PTPRG: variants seen among roughly 807,000 people sequenced by gnomAD.
The protein encoded by PTPRG is protein tyrosine phosphatase receptor type G, also known as receptor-type tyrosine-protein phosphatase gamma.
A neutral mutation model predicts 165.3 loss-of-function variants in PTPRG; 102 were observed. The ratio of observed to expected loss-of-function variants is 0.62; its 90% confidence interval spans 0.53 to 0.73. PTPRG has a LOEUF of 0.73. Among genes scored for constraint, PTPRG ranks in the 30% least tolerant of loss-of-function variants. The probability of loss-of-function intolerance (pLI) is 0.00; values close to 1 mark genes in which losing one functional copy is unlikely to be tolerated. For missense variants in PTPRG, 1,866 were observed against 1,861.4 expected (o/e 1.00, Z -0.05); for synonymous variants, 675 against 669.5 (o/e 1.01, Z -0.13).
chr3:61,628,109 C>G (rs141532214), intron 1 of PTPRG, among the ~76,000 whole-genome samples: 3 of 152,184 alleles, frequency 2.0e-5, no homozygotes, highest in African/African-American at 7.2e-5. Context: ...CATATTGCAT[C>G]GTCTTTCATG....
chr3:61,789,761 A>C (rs1232235327), intron 2 of PTPRG, among the ~76,000 whole-genome samples: 2 of 152,236 alleles, frequency 1.3e-5, no homozygotes, highest in Admixed American at 1.3e-4. Context: ...AAGTTTATTC[A>C]CAGGTAATGA....
chr3:62,119,473 C>T (rs552436211), intron 5 of PTPRG, among the ~76,000 whole-genome samples: 7 of 152,186 alleles, frequency 4.6e-5, no homozygotes, highest in African/African-American at 1.2e-4. Flanking sequence ...TGAAATGCTC[C>T]GAGTATTTGA....
intron 4 of PTPRG, among the ~76,000 whole-genome samples, chr3:62,010,129 C>T (rs1273221384): frequency 2.0e-5 from 3 of 152,022 alleles, no homozygotes; most frequent in Non-Finnish European, 4.4e-5. Flanking sequence ...ATGTTGCCCA[C>T]GCTGGTCTTG....
chr3:62,267,336 G>A (rs1701911363), intron 17 of PTPRG, 74 bp from the exon 18 acceptor site: 1 of 1,136,688 alleles, frequency 8.8e-7, no homozygotes, highest in South Asian at 1.4e-5. Context: ...TGATTGCCTT[G>A]TGTTGTGCTT....
chr3:62,265,094 G>A (rs1701822640), intron 17 of PTPRG, among the ~76,000 whole-genome samples: 1 of 152,092 alleles, frequency 6.6e-6, no homozygotes, highest in Non-Finnish European at 1.5e-5. Flanking sequence ...AACTTGTTTG[G>A]AGAAATGTCT....
Position 62,038,421 on chromosome 3 carries a change from A to G in PTPRG, c.519+34924A>G, listed in dbSNP as rs893962666. On this transcript the variant is annotated intron_variant, in intron 4 of 29. Transcript: ENST00000474889. Reference sequence around the variant, plus strand: ...TTTTTATTTTTATTTTTTTGGAGACAGGGTCTTGCTCTGTCACCCAGGTTG... The same window carrying G: ...TTTTTATTTTTATTTTTTTGGAGACGGGGTCTTGCTCTGTCACCCAGGTTG... 3.3e-5 allele frequency among the ~76,000 whole-genome samples: 5 copies of G among 152,108 alleles called. 1 individual carries two copies. Among genetic ancestry groups the G allele is most frequent in the African/African-American group, 4.8e-5 (2 of 41,410 alleles).
Position 62,132,617 on chromosome 3 carries a change from A to T in PTPRG, c.631A>T (p.Asn211Tyr), listed in dbSNP as rs1432319436. The change falls in exon 6 of 30, where the codon AAT becomes TAT. Residue 211 changes from asparagine to tyrosine, a missense_variant. Around this residue, in one of 3 missense-constraint regions of PTPRG, gnomAD observed 408 missense variants for 376.2 expected, o/e 1.08. Coordinates refer to ENST00000474889, the MANE Select transcript of PTPRG (RefSeq NM_002841.4). ...AIFFQVSPRD[N>Y]SALDPIIHGL... ...TTACATTTAGGTCAGTCCGAGGGACAATTCTGCACTGGATCCTATTATCCA... is the reference window on the plus strand; with the variant it reads ...TTACATTTAGGTCAGTCCGAGGGACTATTCTGCACTGGATCCTATTATCCA... 6.2e-7 allele frequency: 1 copy of T among 1,611,430 alleles called. No homozygotes were observed. The highest frequency in any genetic ancestry group is 8.5e-7 in the Non-Finnish European group (1 of 1,177,642).
intron 3 of PTPRG, among the ~76,000 whole-genome samples, chr3:62,001,897 T>A (rs2041179076): frequency 6.6e-6 from 1 of 152,188 alleles, no homozygotes; most frequent in African/African-American, 2.4e-5. Flanking sequence ...CTGCAAAGCC[T>A]AAAATATTTA....
intron 1 of PTPRG, among the ~76,000 whole-genome samples, chr3:61,698,103 C>T (rs952828692): frequency 6.6e-6 from 1 of 152,158 alleles, no homozygotes; most frequent in African/African-American, 2.4e-5. Context: ...CCAAATGAAG[C>T]TTCCCGTGTC....
At chr3:61,676,233 A>G (rs1019413993) in intron 1 of PTPRG, among the ~76,000 whole-genome samples, 5 of 151,640 alleles carry the variant, frequency 3.3e-5, no homozygotes, top group Non-Finnish European at 7.4e-5. Context: ...TGAGGTGGGC[A>G]GATCACGAGG....
At chr3:61,730,359 A>AT (rs1226832566) in intron 1 of PTPRG, among the ~76,000 whole-genome samples, 1 of 152,210 alleles carries the variant, frequency 6.6e-6, no homozygotes, top group Non-Finnish European at 1.5e-5. Flanking sequence ...TGCAAAACAC[A>AT]TTTTTATCTC....
chr3:62,013,295 C>T (rs2041468844), intron 4 of PTPRG, among the ~76,000 whole-genome samples: 1 of 152,082 alleles, frequency 6.6e-6, no homozygotes, highest in Non-Finnish European at 1.5e-5. Flanking sequence ...CTAAAACTTG[C>T]AAAACTTTTT....
chr3:61,606,967 G>C (rs188911191), intron 1 of PTPRG, among the ~76,000 whole-genome samples: 1 of 152,184 alleles, frequency 6.6e-6, no homozygotes, highest in Non-Finnish European at 1.5e-5. Flanking sequence ...ACCAATAACT[G>C]AACAGGCTCA....
intron 1 of PTPRG, among the ~76,000 whole-genome samples, chr3:61,637,771 G>A (rs1344137549): frequency 6.6e-6 from 1 of 152,170 alleles, no homozygotes; most frequent in Admixed American, 6.5e-5. Flanking sequence ...ACCAGAAACA[G>A]AGATATCAGT....
At chr3:62,017,594 T>A (rs2041579379) in intron 4 of PTPRG, among the ~76,000 whole-genome samples, 1 of 148,636 alleles carries the variant, frequency 6.7e-6, no homozygotes, top group South Asian at 2.1e-4. Context: ...TTTTTGTATT[T>A]TTTTTTTTTT....
intron 4 of PTPRG, among the ~76,000 whole-genome samples, chr3:62,028,456 G>A (rs1202396079): frequency 1.3e-5 from 2 of 152,222 alleles, no homozygotes; most frequent in Non-Finnish European, 2.9e-5. Flanking sequence ...CATTCAGTCA[G>A]AAGAAAATTG....
rs1289151612 is a variant in PTPRG at position 62,214,888 on chromosome 3, G to A, written c.2156-3963G>A. On this transcript the variant is annotated intron_variant, in intron 12 of 29. Transcript: ENST00000474889. This position sits in a 1 kb window ranked among gnomAD's most constrained non-coding sequence, Gnocchi z 5.2. ...CCTATAATCTCTGCTCTGCCCTTAA[G>A]AGATAGTACAAACTGGCGGCTTCGG... Among the ~76,000 whole-genome samples, 1 of 152,238 alleles carries A rather than the reference G, an allele frequency of 6.6e-6. No individual in the cohort carries two copies. The highest frequency in any genetic ancestry group is 1.5e-5 in the Non-Finnish European group (1 of 68,050).
At chr3:62,031,227 A>T (rs1699759863) in intron 4 of PTPRG, among the ~76,000 whole-genome samples, 1 of 152,246 alleles carries the variant, frequency 6.6e-6, no homozygotes, top group South Asian at 2.1e-4. Context: ...AGGTGACCTG[A>T]AGGCTACATA....
chr3:61,844,288 G>T (rs1045265893), intron 2 of PTPRG, among the ~76,000 whole-genome samples: 1 of 152,068 alleles, frequency 6.6e-6, no homozygotes, highest in African/African-American at 2.4e-5. Context: ...TTTTATATTT[G>T]TATTGCAAGT....
Sources: allele counts gnomAD v4.1 joint callset (sites outside exome capture counted in the v4.1 genomes callset), GRCh38; gene constraint gnomAD v4.1.1; regional missense constraint gnomAD v4.1.1; non-coding constraint Gnocchi (gnomAD v3.1); transcripts MANE v1.5; gene names NCBI Gene and HGNC (gene_info 2026-07-23, HGNC 2026-07-21).